Variants in VEPH1 observed in about 807,000 individuals in gnomAD.
VEPH1 encodes the protein ventricular zone expressed PH domain containing 1, also known as ventricular zone-expressed PH domain-containing protein homolog 1.
In VEPH1, 80 loss-of-function variants were observed where a neutral mutation model predicts 85.2. The observed-to-expected ratio is 0.94, with a 90% CI of 0.78 to 1.13. The LOEUF is 1.13. Ranked by LOEUF, VEPH1 falls within the 50% of genes most tolerant of loss-of-function variation. VEPH1 has a pLI of 0.00. For missense variants in VEPH1, 955 were observed against 980.5 expected, an observed-to-expected ratio of 0.97 and a Z score of 0.35; for synonymous variants, 297 against 348.0, an observed-to-expected ratio of 0.85 and a Z score of 1.63.
At chr3:157,310,468 G>T (rs1719986447) in intron 11 of VEPH1, among the ~76,000 whole-genome samples, 2 of 152,134 alleles carry the variant, frequency 1.3e-5, no homozygotes, top group African/African-American at 4.8e-5. Flanking sequence ...ACACACAGCT[G>T]GTAAGGAGCA....
At chr3:157,336,441 T>C (rs1436818897) in intron 9 of VEPH1, among the ~76,000 whole-genome samples, 2 of 152,196 alleles carry the variant, frequency 1.3e-5, no homozygotes, top group African/African-American at 4.8e-5. Flanking sequence ...GGCACCTCTC[T>C]TGGACCACAA....
chr3:157,375,211 G>C (rs1727951664), intron 7 of VEPH1, among the ~76,000 whole-genome samples: 1 of 152,224 alleles, frequency 6.6e-6, no homozygotes, highest in African/African-American at 2.4e-5. Context: ...CTGGTTTAAA[G>C]CTTGATCAGG....
intron 6 of VEPH1, among the ~76,000 whole-genome samples, chr3:157,407,253 T>G (rs1026672509): frequency 6.6e-6 from 1 of 152,146 alleles, no homozygotes; most frequent in Admixed American, 6.5e-5. Flanking sequence ...CATATTTAGT[T>G]TAAGAGTTTT....
chr3:157,309,094 T>TATC (rs1448477191), intron 11 of VEPH1, among the ~76,000 whole-genome samples: 1 of 152,072 alleles, frequency 6.6e-6, no homozygotes, highest in East Asian at 1.9e-4. Flanking sequence ...TTGTTGTTAT[T>TATC]ATTATTATTA....
chr3:157,493,951 G>A (rs1739440774), intron 2 of VEPH1, among the ~76,000 whole-genome samples: 1 of 152,178 alleles, frequency 6.6e-6, no homozygotes, highest in Non-Finnish European at 1.5e-5. Flanking sequence ...GAGTGTGAAA[G>A]AAGGGGTTTC....
intron 5 of VEPH1, among the ~76,000 whole-genome samples, chr3:157,421,151 T>G (rs1415662826): frequency 3.3e-5 from 5 of 152,176 alleles, no homozygotes; most frequent in Admixed American, 3.3e-4. Flanking sequence ...ATCTGCTCAG[T>G]TAGCCACATC....
In VEPH1 at chr3:157,347,342, G is replaced by A. The variant is rs148780129; in HGVS notation, c.1735+16022C>T. Reference sequence around the variant, plus strand: ...GGAAAAAACTCATGTTTATTTAAGCGTATTCAAGGTTATTTTTCAAATAAA... The same window carrying A: ...GGAAAAAACTCATGTTTATTTAAGCATATTCAAGGTTATTTTTCAAATAAA... On this transcript the variant is annotated intron_variant, in intron 9 of 13. Coordinates refer to ENST00000362010, the MANE Select transcript of VEPH1 (RefSeq NM_001167912.2). Among the ~76,000 whole-genome samples the A allele has an allele frequency of 1.6e-4, 25 of 152,282 alleles. 1 individual carries two copies. In the East Asian group the frequency reaches 4.2e-3, roughly 26 times the overall value.
At chr3:157,420,302 G>A (rs1217270176) in intron 5 of VEPH1, among the ~76,000 whole-genome samples, 1 of 151,558 alleles carries the variant, frequency 6.6e-6, no homozygotes, top group South Asian at 2.1e-4. Context: ...TAACAAACCC[G>A]CACATCCTGC....
chr3:157,395,326 T>TG (rs1730262251), intron 6 of VEPH1, among the ~76,000 whole-genome samples: 1 of 152,228 alleles, frequency 6.6e-6, no homozygotes, highest in South Asian at 2.1e-4. Flanking sequence ...CACAGGTAGC[T>TG]GGCTGAACAC....
rs566724961 is a variant in VEPH1 at position 157,468,618 on chromosome 3, T to C, written c.354+1696A>G. On this transcript the variant is annotated intron_variant, in intron 3 of 13. Coordinates refer to ENST00000362010, the MANE Select transcript of VEPH1 (RefSeq NM_001167912.2). The stretch of plus-strand genomic sequence containing the variant: ...ATGATAATAACAACAATAATAATAG[T>C]AAATAAATAAATTTTAAAAATTGCT... Among the ~76,000 whole-genome samples the C allele has an allele frequency of 8.5e-5, 13 of 152,052 alleles. No individual in the cohort carries two copies. In the East Asian group the frequency reaches 2.3e-3, roughly 27 times the overall value.
intron 12 of VEPH1, among the ~76,000 whole-genome samples, chr3:157,269,642 G>GTTTTTTTTTTTTTTTTTTGTTT (rs1714266502): frequency 8.7e-6 from 1 of 115,452 alleles, no homozygotes; most frequent in Non-Finnish European, 1.7e-5. Context: ...TGTTTTTGTT[G>GTTTTTTTTTTTTTTTTTTGTTT]TTTTTTTTTT....
rs1716810568 is a variant in VEPH1, at chr3:157,286,581, A to C, written c.2104T>G (p.Cys702Gly). 1 of 1,613,974 alleles carries C rather than the reference A, an allele frequency of 6.2e-7. No homozygotes were observed. Among genetic ancestry groups the C allele is most frequent in the African/African-American group, 1.3e-5 (1 of 74,908 alleles). ...ETAGAWQCFM[C>G]NNPEKATVVN... Reference sequence around the variant, plus strand: ...CCAGTTGCTTTCTCAGGATTGTTGCACATGAAGCATTGCCATGCTCCTGCT... The same window carrying C: ...CCAGTTGCTTTCTCAGGATTGTTGCCCATGAAGCATTGCCATGCTCCTGCT... Residue 702 changes from cysteine (C) to glycine (G), a missense_variant, in exon 12 of 14, where the codon TGC (cysteine) becomes GGC (glycine). Coordinates refer to ENST00000362010, the MANE Select transcript of VEPH1 (RefSeq NM_001167912.2).
chr3:157,465,823 T>C (rs191869987), intron 3 of VEPH1, among the ~76,000 whole-genome samples: 84 of 152,316 alleles, frequency 5.5e-4, no homozygotes, highest in Non-Finnish European at 8.2e-4. Flanking sequence ...TGGAGATTAT[T>C]CTATTACCCC....
At chr3:157,299,559 CAAAAA>C (rs10535235) in intron 11 of VEPH1, among the ~76,000 whole-genome samples, 7 of 103,096 alleles carry the variant, frequency 6.8e-5, no homozygotes, top group South Asian at 3.5e-4. Flanking sequence ...GGCCCTGTCT[CAAAAA>C]AAAAAAAAAA....
At chr3:157,364,942 G>T (rs1249034134) in intron 7 of VEPH1, among the ~76,000 whole-genome samples, 1 of 152,122 alleles carries the variant, frequency 6.6e-6, no homozygotes, top group African/African-American at 2.4e-5. Context: ...TCATGGTTTT[G>T]TTAATTTTTA....
intron 4 of VEPH1, 158 bp downstream of exon 4, chr3:157,460,023 A>G (rs1735690588): frequency 2.6e-6 from 4 of 1,560,234 alleles, no homozygotes; most frequent in Non-Finnish European, 3.5e-6. Flanking sequence ...CAGATTAAGT[A>G]ACCTTTTGCA....
In VEPH1 at chr3:157,470,405, G is replaced by A. The variant is rs1427208131; in HGVS notation, c.263C>T (p.Ser88Phe). The A allele has an allele frequency of 7.4e-6, 12 of 1,614,022 alleles. No individual in the cohort carries two copies. Among genetic ancestry groups the A allele is most frequent in the Non-Finnish European group, 8.5e-6 (10 of 1,180,036 alleles). The change falls in exon 3 of 14, where the codon TCC becomes TTC. Residue 88 changes from serine (S) to phenylalanine (F), a missense_variant. Transcript: ENST00000362010. ...GGGTCTCAGGTTATGTTCCAAGCAGGAGTCCCAGAGCCCCACAAGGGCCTT... is the reference window on the plus strand; with the variant it reads ...GGGTCTCAGGTTATGTTCCAAGCAGAAGTCCCAGAGCCCCACAAGGGCCTT... ...HAKALVGLWD[S>F]CLEHNLRPFG... is the part of the protein sequence containing the mutation.
chr3:157,277,677 A>G (rs1486266199), intron 12 of VEPH1, among the ~76,000 whole-genome samples: 1 of 152,206 alleles, frequency 6.6e-6, no homozygotes, highest in South Asian at 2.1e-4. Flanking sequence ...TATGTTATAT[A>G]TGAAACACAC....
chr3:157,378,858 C>A (rs747912322), intron 7 of VEPH1, among the ~76,000 whole-genome samples: 2 of 152,148 alleles, frequency 1.3e-5, no homozygotes, highest in Non-Finnish European at 2.9e-5. Context: ...CCACCCCCCT[C>A]TTCTTCTTAC....
Sources: allele counts gnomAD v4.1 joint callset (sites outside exome capture counted in the v4.1 genomes callset), GRCh38; gene constraint gnomAD v4.1.1; transcripts MANE v1.5; gene names NCBI Gene and HGNC (gene_info 2026-07-23, HGNC 2026-07-21).